Variants in B3GLCT observed in about 807,000 individuals in gnomAD.
The protein encoded by B3GLCT is beta-1,3-glucosyltransferase.
A neutral mutation model predicts 63.4 loss-of-function variants in B3GLCT; 65 were observed. The observed-to-expected ratio is 1.03, with a 90% CI of 0.84 to 1.26. B3GLCT has a LOEUF of 1.26. Among genes scored for constraint, B3GLCT ranks in the 50% most tolerant of loss-of-function variants. B3GLCT has a pLI of 0.00. For synonymous variants in B3GLCT, 233 were observed against 219.2 expected (o/e 1.06, Z -0.55); for missense variants, 577 against 604.8 (o/e 0.95, Z 0.48).
At chr13:31,235,326 A>G (rs1233512812) in intron 4 of B3GLCT, among the ~76,000 whole-genome samples, 6 of 152,032 alleles carry the variant, frequency 3.9e-5, no homozygotes, top group African/African-American at 9.7e-5. Flanking sequence ...TGGCCAGAAG[A>G]TGGTAGATTT....
chr13:31,269,959 G>A (rs190764211), intron 8 of B3GLCT, among the ~76,000 whole-genome samples: 3 of 152,106 alleles, frequency 2.0e-5, no homozygotes, highest in Non-Finnish European at 4.4e-5. Context: ...TACTGTTGGA[G>A]CCTGAACAGA....
At position 31,330,395 on chromosome 13, in the gene B3GLCT, T is replaced by G. The variant is rs1013633232; in HGVS notation, c.*727T>G. On this transcript the variant is annotated 3_prime_UTR_variant, in exon 15 of 15. Transcript: ENST00000343307. ...CTCCCTGAAGCCCTATCTTTATGGC[T>G]TACTTGTAACATGAAAGTAGTAGAT... 2 of 152,248 alleles carry G rather than the reference T, an allele frequency of 1.3e-5. No homozygotes were observed. Among genetic ancestry groups the G allele is most frequent in the Admixed American group, 6.5e-5 (1 of 15,292 alleles). The allele number at this position is 152,248 out of a possible 1,614,324, so 9.4% of individuals were successfully genotyped here. A position where few individuals can be genotyped will look rare whatever the true frequency, so the allele number is the denominator to read the frequency against.
chr13:31,311,124 A>G (rs1311429581), intron 12 of B3GLCT, among the ~76,000 whole-genome samples: 1 of 152,372 alleles, frequency 6.6e-6, no homozygotes, highest in Non-Finnish European at 1.5e-5. Context: ...GTTTCCTGAC[A>G]TCTGCTCCTG....
intron 3 of B3GLCT, among the ~76,000 whole-genome samples, chr13:31,227,676 A>G (rs1020607016): frequency 1.3e-5 from 2 of 152,232 alleles, no homozygotes; most frequent in Non-Finnish European, 2.9e-5. Flanking sequence ...TAGGATCTAG[A>G]TGGCTCACTG....
intron 12 of B3GLCT, among the ~76,000 whole-genome samples, chr13:31,301,441 C>T (rs770024282): frequency 2.1e-4 from 32 of 152,190 alleles, no homozygotes; most frequent in Non-Finnish European, 3.8e-4. Flanking sequence ...GGGAACATTT[C>T]CCAGTCAGAT....
intron 12 of B3GLCT, among the ~76,000 whole-genome samples, chr13:31,300,100 G>A (rs1874147705): frequency 6.6e-6 from 1 of 152,084 alleles, no homozygotes; most frequent in Admixed American, 6.5e-5. Flanking sequence ...GTATTGAATT[G>A]CCATCCTCAA....
In B3GLCT at chr13:31,247,988, G is replaced by A. The variant is rs765978204; in HGVS notation, c.459+22G>A. 6 of 1,306,390 alleles carry A rather than the reference G, an allele frequency of 4.6e-6. No homozygotes were observed. The South Asian group carries it at 4.8e-5, about 10-fold the overall frequency. 80.9% of individuals were successfully genotyped at this position (1,306,390 alleles called of 1,614,324 possible). A position where few individuals can be genotyped will look rare whatever the true frequency, so the allele number is the denominator to read the frequency against. On this transcript the variant is annotated intron_variant, in intron 6 of 14. Coordinates refer to ENST00000343307, the MANE Select transcript of B3GLCT (RefSeq NM_194318.4). ...TAAGGTGAATATAACTTCAATACCA[G>A]TTCTTATTTTGGGGGACAGTGTTTC...
chr13:31,233,140 A>T lies in B3GLCT; in HGVS notation c.270+3846A>T, dbSNP rs779194130. Among the ~76,000 whole-genome samples the T allele has an allele frequency of 5.3e-5, 8 of 152,240 alleles. No homozygotes were observed. In the East Asian group the frequency reaches 1.5e-3, roughly 29 times the overall value. On this transcript the variant is annotated intron_variant, in intron 4 of 14. Coordinates refer to ENST00000343307, the MANE Select transcript of B3GLCT (RefSeq NM_194318.4). ...CTAAGAAATTTATCAAATGAAAATG[A>T]AAATTTAAGTAACTTATGTATTTTA...
At chr13:31,220,649 A>G (rs530983989) in intron 2 of B3GLCT, among the ~76,000 whole-genome samples, 1 of 152,334 alleles carries the variant, frequency 6.6e-6, no homozygotes, top group African/African-American at 2.4e-5. Context: ...TTCCATCTCA[A>G]TTCACCTTAT....
At chr13:31,245,612 T>C (rs1871163958) in intron 4 of B3GLCT, among the ~76,000 whole-genome samples, 1 of 152,190 alleles carries the variant, frequency 6.6e-6, no homozygotes, top group Admixed American at 6.5e-5. Context: ...AATAACTCAT[T>C]AGCTACTTTT....
intron 7 of B3GLCT, among the ~76,000 whole-genome samples, chr13:31,267,262 G>A (rs1360982837): frequency 6.6e-6 from 1 of 152,236 alleles, no homozygotes; most frequent in African/African-American, 2.4e-5. Flanking sequence ...GAGGTCACAT[G>A]CCTCTTGTAT....
chr13:31,225,804 A>G (rs115936638), intron 3 of B3GLCT, among the ~76,000 whole-genome samples: 2,303 of 152,048 alleles, frequency 0.015, 65 homozygotes, highest in African/African-American at 0.053. Flanking sequence ...CTCCTTTGGG[A>G]AGTCCCCACT....
chr13:31,218,930 C>CTT (rs34965262), intron 2 of B3GLCT, among the ~76,000 whole-genome samples: 194 of 144,276 alleles, frequency 1.3e-3, no homozygotes, highest in South Asian at 2.2e-3. Flanking sequence ...ATCAGAAGCC[C>CTT]TTTTTTTTTT....
At chr13:31,323,563 A>G (rs1875438030) in intron 13 of B3GLCT, among the ~76,000 whole-genome samples, 188 bp from the exon 14 acceptor site, 1 of 152,196 alleles carries the variant, frequency 6.6e-6, no homozygotes, top group East Asian at 1.9e-4. Context: ...ACTTGGTACA[A>G]AAGTGTTGGA....
At chr13:31,246,962 T>TTTTTTTTTTTTTTTTG in intron 4 of B3GLCT, 61 bp from the exon 5 acceptor site, 1 of 1,100,388 alleles carries the variant, frequency 9.1e-7, no homozygotes, top group South Asian at 1.4e-5. Flanking sequence ...TTTTTTTTTT[T>TTTTTTTTTTTTTTTTG]TTTTACTTTT....
Position 31,284,666 on chromosome 13 carries a change from C to A in B3GLCT, c.869C>A (p.Thr290Asn). ...HGDRIPIVKQTWESQASLIEY... is the reference protein window; with the variant it reads ...HGDRIPIVKQNWESQASLIEY... ...TTTTCAGTACCTATTGTTAAGCAGA[C>A]TTGGGAGAGCCAGGCAAGTCTCATT... The change falls in exon 11 of 15, where the codon ACT becomes AAT. Residue 290 changes from threonine to asparagine, a missense_variant. By Grantham distance (65) the Thr-to-Asn change is moderately conservative. Coordinates refer to ENST00000343307, the MANE Select transcript of B3GLCT (RefSeq NM_194318.4). The A allele has an allele frequency of 6.2e-7, 1 of 1,606,366 alleles. No individual in the cohort carries two copies. The highest frequency in any genetic ancestry group is 8.5e-7 in the Non-Finnish European group (1 of 1,173,008).
At chr13:31,272,005 C>T (rs931715324) in intron 8 of B3GLCT, among the ~76,000 whole-genome samples, 3 of 152,002 alleles carry the variant, frequency 2.0e-5, no homozygotes, top group Non-Finnish European at 2.9e-5. Flanking sequence ...GCCTCATAAT[C>T]GTTTTTTGTC....
At chr13:31,204,525 G>A (rs1240979942) in intron 1 of B3GLCT, among the ~76,000 whole-genome samples, 5 of 152,124 alleles carry the variant, frequency 3.3e-5, no homozygotes, top group African/African-American at 1.2e-4. Context: ...AAGGAGCCAA[G>A]TGGAGAAAGG....
At chr13:31,212,449 A>G (rs992313648) in intron 1 of B3GLCT, among the ~76,000 whole-genome samples, 1 of 151,436 alleles carries the variant, frequency 6.6e-6, no homozygotes, top group Non-Finnish European at 1.5e-5. Context: ...TAATTTTTGT[A>G]TTTTTAGTAG....
Sources: gnomAD v4.1 joint callset for allele counts (sites outside exome capture counted in the v4.1 genomes callset) on GRCh38, gnomAD v4.1.1 for gene constraint, MANE v1.5 for transcripts, NCBI Gene and HGNC (gene_info 2026-07-23, HGNC 2026-07-21) for gene names.